EIF5A2: variants seen among roughly 807,000 people sequenced by gnomAD.
EIF5A2 encodes eukaryotic translation initiation factor 5A-2.
EIF5A2 carries 15 observed loss-of-function variants against 16.4 expected under a neutral mutation model. That is an observed-to-expected ratio of 0.92 (90% CI 0.61 to 1.41). EIF5A2 has a LOEUF of 1.41. Among genes scored for constraint, EIF5A2 ranks in the 40% most tolerant of loss-of-function variants. The pLI is 0.00. For missense variants in EIF5A2, 144 were observed against 189.5 expected (o/e 0.76, Z 1.41); for synonymous variants, 48 against 61.1 (o/e 0.79, Z 1.00).
At chr3:170,901,949 T>G (rs933058160) in intron 3 of EIF5A2, among the ~76,000 whole-genome samples, 14 of 152,186 alleles carry the variant, frequency 9.2e-5, no homozygotes, top group Non-Finnish European at 1.8e-4. Context: ...CTGAATGCTT[T>G]ATCACTATTA....
intron 3 of EIF5A2, among the ~76,000 whole-genome samples, chr3:170,899,152 G>A (rs1229868804): frequency 6.6e-6 from 1 of 152,062 alleles, no homozygotes; most frequent in Non-Finnish European, 1.5e-5. Context: ...GTATTTATCT[G>A]GCTATCATGT....
rs1712614908 is a variant in EIF5A2, at chr3:170,894,359, A to C, written c.335T>G (p.Leu112Arg). 6.2e-7 allele frequency: 1 copy of C among 1,614,070 alleles called. No individual in the cohort carries two copies. Among genetic ancestry groups the C allele is most frequent in the Non-Finnish European group, 8.5e-7 (1 of 1,179,990 alleles). The stretch of plus-strand genomic sequence containing the variant: ...GCCTAGTTCACCTTCTGGCAGTTTA[A>C]GATCCTCACGAACTTCACCAGTTTC... ...LTETGEVRED[L>R]KLPEGELGKE... The change falls in exon 4 of 5, where the codon CTT becomes CGT. Residue 112 changes from leucine to arginine, a missense_variant. Physicochemically the swap from Leu to Arg is moderately radical, Grantham distance 102. Coordinates refer to ENST00000295822, the MANE Select transcript of EIF5A2 (RefSeq NM_020390.6).
Position 170,893,028 on chromosome 3 carries a change from A to G in EIF5A2, c.*332T>C, listed in dbSNP as rs1191899451. ...CTTTATGCTACATTGTTTGATTTAA[A>G]ACCCTGGTTTATCATCTAACTAAAA... On this transcript the variant is annotated 3_prime_UTR_variant, in exon 5 of 5. Coordinates refer to ENST00000295822, the MANE Select transcript of EIF5A2 (RefSeq NM_020390.6). The G allele has an allele frequency of 7.1e-6, 3 of 422,824 alleles. No individual in the cohort carries two copies. Among genetic ancestry groups the G allele is most frequent in the Non-Finnish European group, 1.2e-5 (3 of 241,522 alleles). 26.2% of individuals were successfully genotyped at this position (422,824 alleles called of 1,614,324 possible).
At chr3:170,894,729 T>A (rs1482207086) in intron 3 of EIF5A2, among the ~76,000 whole-genome samples, 1 of 151,338 alleles carries the variant, frequency 6.6e-6, no homozygotes, top group Non-Finnish European at 1.5e-5. Context: ...TTTTTTTTAA[T>A]CAAAATGGGA....
intron 3 of EIF5A2, among the ~76,000 whole-genome samples, chr3:170,904,948 A>C (rs2108296455): frequency 6.6e-6 from 1 of 152,342 alleles, no homozygotes; most frequent in Non-Finnish European, 1.5e-5. Context: ...ACAGCTATTA[A>C]GTGCCAAAGT....
chr3:170,907,339 A>T (rs1037262557), intron 2 of EIF5A2, among the ~76,000 whole-genome samples: 2 of 152,214 alleles, frequency 1.3e-5, no homozygotes, highest in Admixed American at 1.3e-4. Flanking sequence ...ACACAAGAAA[A>T]ATAAAGTGTA....
At position 170,891,952 on chromosome 3, in the gene EIF5A2, T is replaced by G. The variant is rs1712544736; in HGVS notation, c.*1408A>C. ...TCACACAACAATCAGAAAAAATGCA[T>G]ATACTTAAAATAACTTAACTTAAAT... is the stretch of plus-strand genomic sequence containing the variant. On this transcript the variant is annotated 3_prime_UTR_variant, in exon 5 of 5. Transcript: ENST00000295822. The G allele has an allele frequency of 6.6e-6, 1 of 152,544 alleles. No homozygotes were observed. Among genetic ancestry groups the G allele is most frequent in the Non-Finnish European group, 1.5e-5 (1 of 68,020 alleles). The allele number at this position is 152,544 out of a possible 1,614,324, so 9.4% of individuals were successfully genotyped here.
At position 170,894,286 on chromosome 3, in the gene EIF5A2, C is replaced by T. The variant is rs1560009115; in HGVS notation, c.402+6G>A. ...TTTCAAAAATAATCCTTCTCTAAGT[C>T]TTTACCTGTACATCTTCACCTGCAT... On this transcript the variant is annotated splice_donor_region_variant and intron_variant, in intron 4 of 4. Coordinates refer to ENST00000295822, the MANE Select transcript of EIF5A2 (RefSeq NM_020390.6). 6.2e-7 allele frequency: 1 copy of T among 1,612,646 alleles called. No individual in the cohort carries two copies. The highest frequency in any genetic ancestry group is 1.7e-5 in the Admixed American group (1 of 59,922).
rs139515827 is a variant in EIF5A2, at chr3:170,891,936, A to G, written c.*1424T>C. On this transcript the variant is annotated 3_prime_UTR_variant, in exon 5 of 5. Coordinates refer to ENST00000295822, the MANE Select transcript of EIF5A2 (RefSeq NM_020390.6). The stretch of plus-strand genomic sequence containing the variant: ...CAGCAACTGAATTAAGTCACACAAC[A>G]ATCAGAAAAAATGCATATACTTAAA... 2.0e-3 allele frequency: 302 copies of G among 152,750 alleles called. 4 individuals carry two copies. Among genetic ancestry groups the G allele is most frequent in the African/African-American group, 6.9e-3 (288 of 41,578 alleles). 9.5% of individuals were successfully genotyped at this position (152,750 alleles called of 1,614,324 possible).
At chr3:170,896,488 T>C (rs1158436287) in intron 3 of EIF5A2, among the ~76,000 whole-genome samples, 1 of 152,156 alleles carries the variant, frequency 6.6e-6, no homozygotes, top group East Asian at 1.9e-4. Context: ...TCCGCAATGC[T>C]GTTGTCATGA....
chr3:170,898,977 C>T (rs1712739475), intron 3 of EIF5A2, among the ~76,000 whole-genome samples: 1 of 152,044 alleles, frequency 6.6e-6, no homozygotes. Context: ...GTATTTTTCT[C>T]AAGAACAAGG....
At chr3:170,903,650 C>A (rs1437905369) in intron 3 of EIF5A2, among the ~76,000 whole-genome samples, 1 of 152,074 alleles carries the variant, frequency 6.6e-6, no homozygotes, top group Non-Finnish European at 1.5e-5. Context: ...CACAAGGATT[C>A]CCATGAAACA....
At chr3:170,897,733 G>T (rs755139931) in intron 3 of EIF5A2, among the ~76,000 whole-genome samples, 1 of 152,234 alleles carries the variant, frequency 6.6e-6, no homozygotes, top group Non-Finnish European at 1.5e-5. Context: ...GTGTGGAAGG[G>T]AAATGTCAGG....
chr3:170,902,220 T>C (rs556314592), intron 3 of EIF5A2, among the ~76,000 whole-genome samples: 28 of 151,550 alleles, frequency 1.8e-4, no homozygotes, highest in Non-Finnish European at 3.7e-4. Context: ...ACCAGCTGAC[T>C]GAGAAAGGAA....
At position 170,891,239 on chromosome 3, in the gene EIF5A2, C is replaced by T. The variant is rs1474247917; in HGVS notation, c.*2121G>A. ...CACGGATTAATAATTTTCTGGAATT[C>T]CTATGAGTTACAATGCCAACCAGTA... On this transcript the variant is annotated 3_prime_UTR_variant, in exon 5 of 5. Coordinates refer to ENST00000295822, the MANE Select transcript of EIF5A2 (RefSeq NM_020390.6). The T allele has an allele frequency of 6.6e-6, 1 of 152,530 alleles. No homozygotes were observed. The highest frequency in any genetic ancestry group is 2.4e-5 in the African/African-American group (1 of 41,414). 9.4% of individuals were successfully genotyped at this position (152,530 alleles called of 1,614,324 possible).
Position 170,892,512 on chromosome 3 carries a change from G to C in EIF5A2, c.*848C>G. The C allele has an allele frequency of 2.9e-6, 1 of 342,846 alleles. No individual in the cohort carries two copies. Among genetic ancestry groups the C allele is most frequent in the Non-Finnish European group, 5.2e-6 (1 of 192,136 alleles). The allele number at this position is 342,846 out of a possible 1,614,324, so 21.2% of individuals were successfully genotyped here. Reference sequence around the variant, plus strand: ...TTTATTCAACATAGTTGGAAAACAAGCATTGCATAGTATCATGTAAAGCAG... The same window carrying C: ...TTTATTCAACATAGTTGGAAAACAACCATTGCATAGTATCATGTAAAGCAG... On this transcript the variant is annotated 3_prime_UTR_variant, in exon 5 of 5. Transcript: ENST00000295822.
chr3:170,895,072 G>A (rs1176660000), intron 3 of EIF5A2, among the ~76,000 whole-genome samples: 1 of 149,134 alleles, frequency 6.7e-6, no homozygotes, highest in Non-Finnish European at 1.5e-5. Context: ...ACTTTACAGT[G>A]AGCTGTTTTG....
rs367813414 is a variant in EIF5A2 at position 170,893,310 on chromosome 3, G to A, written c.*50C>T. The A allele has an allele frequency of 6.3e-7, 1 of 1,593,412 alleles. No homozygotes were observed. Among genetic ancestry groups the A allele is most frequent in the Non-Finnish European group, 8.6e-7 (1 of 1,166,056 alleles). On this transcript the variant is annotated 3_prime_UTR_variant, in exon 5 of 5. Transcript: ENST00000295822. ...TTGGTGACAACTTAGAACCAAATTAGATCTGCAGTTGATTCAGACATAAAC... is the reference window on the plus strand; with the variant it reads ...TTGGTGACAACTTAGAACCAAATTAAATCTGCAGTTGATTCAGACATAAAC...
chr3:170,899,068 ATATT>A (rs1483475248), intron 3 of EIF5A2, among the ~76,000 whole-genome samples: 1 of 152,204 alleles, frequency 6.6e-6, no homozygotes, highest in East Asian at 1.9e-4. Context: ...TATATAGTAC[ATATT>A]TAAATTTGCC....
Sources: allele counts gnomAD v4.1 joint callset (sites outside exome capture counted in the v4.1 genomes callset), GRCh38; gene constraint gnomAD v4.1.1; transcripts MANE v1.5; gene names NCBI Gene and HGNC (gene_info 2026-07-23, HGNC 2026-07-21).